The following NKAIN2 variants were observed in gnomAD, a reference collection of about 807,000 sequenced individuals.
The protein encoded by NKAIN2 is sodium/potassium-transporting ATPase subunit beta-1-interacting protein 2.
NKAIN2 carries 14 observed loss-of-function variants against 32.6 expected under a neutral mutation model. The ratio of observed to expected loss-of-function variants is 0.43; its 90% CI spans 0.28 to 0.67. The LOEUF (loss-of-function observed/expected upper bound fraction) is 0.67, where lower values mean the gene tolerates loss of function less well. Among genes scored for constraint, NKAIN2 ranks in the 30% least tolerant of loss-of-function variants. The pLI is 0.17. For missense variants in NKAIN2, 198 were observed against 258.3 expected, an observed-to-expected ratio of 0.77 and a Z score of 1.60; for synonymous variants, 80 against 87.2, an observed-to-expected ratio of 0.92 and a Z score of 0.46.
intron 3 of NKAIN2, among the ~76,000 whole-genome samples, chr6:124,403,649 G>C (rs1377874541): frequency 6.6e-6 from 1 of 152,192 alleles, no homozygotes; most frequent in African/African-American, 2.4e-5. Flanking sequence ...AGTAAAATTA[G>C]AGTGAACAAG....
chr6:124,058,583 T>C (rs1782777640), intron 1 of NKAIN2, among the ~76,000 whole-genome samples: 1 of 152,076 alleles, frequency 6.6e-6, no homozygotes, highest in South Asian at 2.1e-4. Flanking sequence ...TTGCCCTCAA[T>C]AAATGTTACT....
At chr6:124,351,518 A>G (rs980568696) in intron 2 of NKAIN2, among the ~76,000 whole-genome samples, 4 of 151,756 alleles carry the variant, frequency 2.6e-5, no homozygotes, top group Non-Finnish European at 4.4e-5. Flanking sequence ...CAAAAAAAAA[A>G]AAAAAAGAAA....
intron 3 of NKAIN2, among the ~76,000 whole-genome samples, chr6:124,591,304 A>C (rs1781902781): frequency 1.3e-5 from 2 of 152,238 alleles, no homozygotes; most frequent in African/African-American, 2.4e-5. Context: ...ACAGAAATGT[A>C]CATGTGATAG....
chr6:124,534,151 CT>C (rs1779628999), intron 3 of NKAIN2, among the ~76,000 whole-genome samples: 1 of 150,288 alleles, frequency 6.7e-6, no homozygotes, highest in African/African-American at 2.4e-5. Context: ...TTTTTTTTTC[CT>C]TTTTTGGGGG....
chr6:124,235,478 G>A (rs1200441279), intron 1 of NKAIN2, among the ~76,000 whole-genome samples: 1 of 152,058 alleles, frequency 6.6e-6, no homozygotes, highest in African/African-American at 2.4e-5. Context: ...TACTAATAAG[G>A]AACATAACTT....
chr6:124,348,814 T>G (rs2093175), intron 2 of NKAIN2, among the ~76,000 whole-genome samples: 3 of 152,030 alleles, frequency 2.0e-5, no homozygotes, highest in Non-Finnish European at 4.4e-5. Flanking sequence ...CTGGGGAAGC[T>G]CAAGGGGTCA....
intron 1 of NKAIN2, among the ~76,000 whole-genome samples, chr6:124,058,552 A>G (rs1028894200): frequency 2.6e-5 from 4 of 151,968 alleles, no homozygotes; most frequent in South Asian, 2.1e-4. Flanking sequence ...GGCTTGTTGT[A>G]AGGATTTCTG....
chr6:124,219,107 G>T (rs9491090), intron 1 of NKAIN2, among the ~76,000 whole-genome samples: 14,181 of 151,972 alleles, frequency 0.093, 1,502 homozygotes, highest in African/African-American at 0.25. Flanking sequence ...CCCTCAAGAG[G>T]ATTACAATTT....
chr6:124,782,313 T>C (rs1162737157), intron 4 of NKAIN2, among the ~76,000 whole-genome samples: 3 of 151,848 alleles, frequency 2.0e-5, no homozygotes, highest in Admixed American at 6.6e-5. Context: ...TCACTGGATA[T>C]GTGCTGAAGT....
chr6:124,233,276 AT>A (rs1792557364), intron 1 of NKAIN2, among the ~76,000 whole-genome samples: 1 of 152,098 alleles, frequency 6.6e-6, no homozygotes, highest in Non-Finnish European at 1.5e-5. Flanking sequence ...CTTCTTGATA[AT>A]TCTTTACAAA....
chr6:124,664,669 C>T (rs950387762), intron 4 of NKAIN2, among the ~76,000 whole-genome samples: 1 of 148,392 alleles, frequency 6.7e-6, no homozygotes, highest in African/African-American at 2.5e-5. Flanking sequence ...TGGCGGGCGC[C>T]TGTAGTCCCA....
chr6:123,819,129 ATTTC>A (rs1773818694), intron 1 of NKAIN2, among the ~76,000 whole-genome samples: 1 of 152,124 alleles, frequency 6.6e-6, no homozygotes, highest in Admixed American at 6.6e-5. Flanking sequence ...TACATTCTTT[ATTTC>A]TTAGTATATT....
chr6:123,993,184 A>T (rs1304608063), intron 1 of NKAIN2, among the ~76,000 whole-genome samples: 1 of 152,200 alleles, frequency 6.6e-6, no homozygotes, highest in Non-Finnish European at 1.5e-5. Flanking sequence ...TTCTTAAGGC[A>T]AAAGGGTATT....
intron 4 of NKAIN2, among the ~76,000 whole-genome samples, chr6:124,679,521 C>G (rs1229872863): frequency 6.6e-6 from 1 of 152,104 alleles, no homozygotes; most frequent in Non-Finnish European, 1.5e-5. Context: ...TGAGTGCCAT[C>G]GATTTTTCTG....
chr6:124,711,741 C>A (rs562928401), intron 4 of NKAIN2, among the ~76,000 whole-genome samples: 1 of 151,920 alleles, frequency 6.6e-6, no homozygotes, highest in African/African-American at 2.4e-5. Context: ...TCAAAGTTTT[C>A]GACTTATTTG....
In NKAIN2 at chr6:123,964,918, C is replaced by G. The variant is rs1778004854; in HGVS notation, c.54+160664C>G. Among the ~76,000 whole-genome samples the G allele has an allele frequency of 6.6e-6, 1 of 152,144 alleles. No individual in the cohort carries two copies. Among genetic ancestry groups the G allele is most frequent in the Admixed American group, 6.6e-5 (1 of 15,266 alleles). On this transcript the variant is annotated intron_variant, in intron 1 of 6. Coordinates refer to ENST00000368417, the MANE Select transcript of NKAIN2 (RefSeq NM_001040214.3). The surrounding 1 kb of genome is among the most constrained non-coding windows in gnomAD (Gnocchi z 4.0). ...CTATCACCAGTTCCCTTTTTGCCCT[C>G]TTTAAGTCCTATTTTGCCCTATTTA...
chr6:123,955,084 C>A (rs964539802), intron 1 of NKAIN2, among the ~76,000 whole-genome samples: 3 of 151,094 alleles, frequency 2.0e-5, no homozygotes, highest in African/African-American at 7.3e-5. Context: ...ATTAAATATA[C>A]CAATATTTAT....
intron 3 of NKAIN2, among the ~76,000 whole-genome samples, chr6:124,396,755 A>G (rs899730613): frequency 6.6e-6 from 1 of 152,202 alleles, no homozygotes; most frequent in Admixed American, 6.5e-5. Context: ...TGGGAGGTGT[A>G]TGAGGCATCA....
In NKAIN2 at chr6:124,385,826, C is replaced by A. The variant is rs1266480465; in HGVS notation, c.273+30479C>A. ...ATGGAGTTCTTGCTAAAATCTTCCA[C>A]TGATACATGTACATACTCATATATA... On this transcript the variant is annotated intron_variant, in intron 3 of 6. Transcript: ENST00000368417. Among the ~76,000 whole-genome samples, 3 of 152,192 alleles carry A rather than the reference C, an allele frequency of 2.0e-5. No homozygotes were observed. The East Asian group carries it at 5.8e-4, about 29-fold the overall frequency.
Sources: gnomAD v4.1 joint callset for allele counts (sites outside exome capture counted in the v4.1 genomes callset) on GRCh38, gnomAD v4.1.1 for gene constraint, Gnocchi (gnomAD v3.1) non-coding constraint, MANE v1.5 for transcripts, NCBI Gene and HGNC (gene_info 2026-07-23, HGNC 2026-07-21) for gene names.